Variants in L3MBTL3 observed in about 807,000 individuals in gnomAD.
L3MBTL3 encodes the protein lethal(3)malignant brain tumor-like protein 3.
L3MBTL3 carries 27 observed loss-of-function variants against 102.3 expected under a neutral mutation model. That is an observed-to-expected ratio of 0.26 (90% CI 0.19 to 0.36). The LOEUF (loss-of-function observed/expected upper bound fraction) is 0.36, where lower values mean the gene tolerates loss of function less well. L3MBTL3 is among the 10% of genes least tolerant of loss of function. The probability of loss-of-function intolerance (pLI) is 1.00; values close to 1 mark genes in which losing one functional copy is unlikely to be tolerated. For synonymous variants in L3MBTL3, 340 were observed against 320.9 expected, an observed-to-expected ratio of 1.06 and a Z score of -0.64; for missense variants, 798 against 955.3, an observed-to-expected ratio of 0.84 and a Z score of 2.17.
intron 18 of L3MBTL3, among the ~76,000 whole-genome samples, chr6:130,094,942 ATAC>A (rs1433118798): frequency 4.6e-5 from 7 of 152,162 alleles, no homozygotes. Context: ...AGAGTTAAAA[ATAC>A]TACTAAAGTA....
At chr6:130,137,433 C>A (rs1036370971) in intron 22 of L3MBTL3, among the ~76,000 whole-genome samples, 2 of 152,184 alleles carry the variant, frequency 1.3e-5, no homozygotes, top group African/African-American at 4.8e-5. Flanking sequence ...GACTTCCTTC[C>A]AATCAAGACT....
intron 19 of L3MBTL3, among the ~76,000 whole-genome samples, chr6:130,118,336 G>C (rs1785875341): frequency 6.6e-6 from 1 of 152,126 alleles, no homozygotes; most frequent in Non-Finnish European, 1.5e-5. Context: ...CATGTAAAAA[G>C]CTCAGTCAGT....
chr6:130,092,680 C>A, intron 16 of L3MBTL3, 65 bp from the exon 17 acceptor site: 3 of 937,418 alleles, frequency 3.2e-6, no homozygotes, highest in South Asian at 1.4e-5. Flanking sequence ...ATGCTGTGGG[C>A]AGAACTTTGA....
chr6:130,059,797 G>A (rs896039782), intron 9 of L3MBTL3, among the ~76,000 whole-genome samples: 6 of 152,050 alleles, frequency 3.9e-5, no homozygotes, highest in African/African-American at 9.7e-5. Flanking sequence ...GCATGAGGTC[G>A]AGCATCTTTT....
At chr6:130,043,871 A>G (rs9398934) in intron 3 of L3MBTL3, among the ~76,000 whole-genome samples, 71,628 of 152,012 alleles carry the variant, frequency 0.47, 19,540 homozygotes, top group East Asian at 0.76. Context: ...TAATGTGCCA[A>G]CACCTCTGAG....
intron 18 of L3MBTL3, among the ~76,000 whole-genome samples, chr6:130,100,646 CA>C (rs68109213): frequency 0.2 from 25,706 of 126,100 alleles, 2,561 homozygotes; most frequent in Non-Finnish European, 0.27. Flanking sequence ...AATCTATTTT[CA>C]AAAAAAAAAA....
At position 130,039,484 on chromosome 6, in the gene L3MBTL3, ACTTC is replaced by A. The variant is rs1383418806; in HGVS notation, c.-15-3197_-15-3194del. On this transcript the variant is annotated intron_variant, in intron 2 of 22. Coordinates refer to ENST00000361794, the MANE Select transcript of L3MBTL3 (RefSeq NM_032438.4). Reference sequence around the variant, plus strand: ...AAATCCCTTTTCATCTAAATTTCATACTTCCTTGCTCATCTTTTTTTGTAGTTTA... The same window carrying A: ...AAATCCCTTTTCATCTAAATTTCATACTTGCTCATCTTTTTTTGTAGTTTA... 2.6e-5 allele frequency among the ~76,000 whole-genome samples: 4 copies of A among 152,020 alleles called. 1 individual carries two copies. Among genetic ancestry groups the A allele is most frequent in the Non-Finnish European group, 2.9e-5 (2 of 67,978 alleles).
At chr6:130,032,843 A>G (rs1250412491) in intron 2 of L3MBTL3, among the ~76,000 whole-genome samples, 1 of 152,110 alleles carries the variant, frequency 6.6e-6, no homozygotes, top group Admixed American at 6.5e-5. Context: ...AATTTAAAAC[A>G]TTAGCCAGCT....
chr6:130,033,764 T>C (rs562532584), intron 2 of L3MBTL3, among the ~76,000 whole-genome samples: 1 of 152,386 alleles, frequency 6.6e-6, no homozygotes, highest in Non-Finnish European at 1.5e-5. Flanking sequence ...AATGTACTTG[T>C]TAACTATGAA....
intron 2 of L3MBTL3, among the ~76,000 whole-genome samples, chr6:130,029,556 C>T (rs146377986): frequency 3.3e-4 from 50 of 152,160 alleles, no homozygotes; most frequent in Non-Finnish European, 4.3e-4. Context: ...AAACTAACAG[C>T]TATTGACCTT....
At position 130,139,815 on chromosome 6, in the gene L3MBTL3, C is replaced by A. The variant is rs942606053; in HGVS notation, c.*62C>A. On this transcript the variant is annotated 3_prime_UTR_variant, in exon 23 of 23. Coordinates refer to ENST00000361794, the MANE Select transcript of L3MBTL3 (RefSeq NM_032438.4). ...TAAAGCTCATGTTTTATTCAAAGCA[C>A]AAGGACGGTTATAACTCCTAAGTGA... 1 of 1,517,504 alleles carries A rather than the reference C, an allele frequency of 6.6e-7. No individual in the cohort carries two copies. The highest frequency in any genetic ancestry group is 1.4e-5 in the African/African-American group (1 of 72,994). 94.0% of individuals were successfully genotyped at this position (1,517,504 alleles called of 1,614,324 possible).
At chr6:130,098,036 C>A in intron 18 of L3MBTL3, among the ~76,000 whole-genome samples, 1 of 152,068 alleles carries the variant, frequency 6.6e-6, no homozygotes, top group East Asian at 1.9e-4. Context: ...CACTGCACTT[C>A]AGCCTGGGCA....
intron 19 of L3MBTL3, among the ~76,000 whole-genome samples, chr6:130,120,078 A>G (rs1032644844): frequency 6.6e-6 from 1 of 152,204 alleles, no homozygotes; most frequent in Admixed American, 6.5e-5. Context: ...CATCATAAAC[A>G]CAGAATACTA....
At position 130,070,961 on chromosome 6, in the gene L3MBTL3, T is replaced by C. The variant is rs1448446761; in HGVS notation, c.1093-15T>C. The C allele has an allele frequency of 1.4e-5, 23 of 1,609,958 alleles. No homozygotes were observed. Among genetic ancestry groups the C allele is most frequent in the Non-Finnish European group, 1.9e-5 (22 of 1,177,680 alleles). On this transcript the variant is annotated splice_polypyrimidine_tract_variant and intron_variant, in intron 12 of 22. Coordinates refer to ENST00000361794, the MANE Select transcript of L3MBTL3 (RefSeq NM_032438.4). ...GTGTGTGCTTATCTCTAATTAAATCTGTGTGTTTCCATAGACAGTGATCCC... is the reference window on the plus strand; with the variant it reads ...GTGTGTGCTTATCTCTAATTAAATCCGTGTGTTTCCATAGACAGTGATCCC...
intron 20 of L3MBTL3, among the ~76,000 whole-genome samples, chr6:130,121,594 C>T (rs1786211123): frequency 1.3e-5 from 2 of 152,084 alleles, no homozygotes; most frequent in African/African-American, 2.4e-5. Flanking sequence ...AAGACATTCT[C>T]TTAGGACCTT....
chr6:130,122,921 ATTCACTC>A (rs560497022), intron 20 of L3MBTL3, among the ~76,000 whole-genome samples: 246 of 152,346 alleles, frequency 1.6e-3, no homozygotes, highest in African/African-American at 5.5e-3. Context: ...TGGCTGGAGT[ATTCACTC>A]TTATTAATAG....
chr6:130,081,466 A>G (rs1039748238), intron 14 of L3MBTL3, among the ~76,000 whole-genome samples: 5 of 150,936 alleles, frequency 3.3e-5, no homozygotes, highest in African/African-American at 9.8e-5. Context: ...TTGCCCAGGC[A>G]GGAGTGCAGT....
intron 19 of L3MBTL3, among the ~76,000 whole-genome samples, chr6:130,112,678 G>A (rs1056916408): frequency 1.8e-4 from 27 of 152,004 alleles, no homozygotes; most frequent in African/African-American, 6.0e-4. Context: ...TAGGATTCAG[G>A]GCATCCTCAT....
chr6:130,119,850 C>T (rs1429337584), intron 19 of L3MBTL3, among the ~76,000 whole-genome samples: 1 of 152,120 alleles, frequency 6.6e-6, no homozygotes, highest in African/African-American at 2.4e-5. Flanking sequence ...TTATTGCATG[C>T]TTACTGTGTT....
Sources: gnomAD v4.1 joint callset for allele counts (sites outside exome capture counted in the v4.1 genomes callset) on GRCh38, gnomAD v4.1.1 for gene constraint, MANE v1.5 for transcripts, NCBI Gene and HGNC (gene_info 2026-07-23, HGNC 2026-07-21) for gene names.